The following SORCS3 variants were observed in gnomAD, a reference collection of about 807,000 sequenced individuals.
The protein encoded by SORCS3 is sortilin related VPS10 domain containing receptor 3.
Under a neutral mutation model 146.3 loss-of-function variants are expected in SORCS3, and 57 were observed. The observed-to-expected ratio is 0.39, with a 90% CI of 0.31 to 0.49. The LOEUF (loss-of-function observed/expected upper bound fraction) is 0.49, where lower values mean the gene tolerates loss of function less well. SORCS3 is among the 20% of genes least tolerant of loss of function. SORCS3 has a pLI of 0.92. For missense variants in SORCS3, 1,341 were observed against 1,575.5 expected (o/e 0.85, Z 2.52); for synonymous variants, 653 against 618.5 (o/e 1.06, Z -0.83).
chr10:105,245,781 T>C (rs2056862610), intron 21 of SORCS3, 116 bp downstream of exon 21: 6 of 1,306,860 alleles, frequency 4.6e-6, no homozygotes, highest in Admixed American at 2.5e-5. Context: ...GAAAATTACA[T>C]AGGTCAACAG....
In SORCS3 at chr10:105,255,716, G is replaced by A. The variant is rs1325750276; in HGVS notation, c.3252G>A (p.Leu1084=). Residue 1084 remains leucine, a synonymous_variant, in exon 24 of 27, where the codon CTG becomes CTA. Coordinates refer to ENST00000369701, the MANE Select transcript of SORCS3 (RefSeq NM_014978.3). ...TATTTTTTCAGATTGTAGAAACACTGTTTAATGCTCTCAACCAAAATTTGG... is the reference window on the plus strand; with the variant it reads ...TATTTTTTCAGATTGTAGAAACACTATTTAATGCTCTCAACCAAAATTTGG... ...EGDLEQIVET[L]FNALNQNLVQ... 1.9e-6 allele frequency: 3 copies of A among 1,613,534 alleles called. No homozygotes were observed. The highest frequency in any genetic ancestry group is 4.5e-5 in the East Asian group (2 of 44,866).
rs868659389 is a variant in SORCS3 at position 105,180,172 on chromosome 10, G to A, written c.2009+1999G>A. Among the ~76,000 whole-genome samples, 8 of 152,238 alleles carry A rather than the reference G, an allele frequency of 5.3e-5. No homozygotes were observed. The Middle Eastern group carries it at 0.02, about 388-fold the overall frequency. On this transcript the variant is annotated intron_variant, in intron 14 of 26. Coordinates refer to ENST00000369701, the MANE Select transcript of SORCS3 (RefSeq NM_014978.3). ...AGACTTAAGTGGTGAGAGTAAGTGGGGATAAAGTAATCATCATGGTACCCT... is the reference window on the plus strand; with the variant it reads ...AGACTTAAGTGGTGAGAGTAAGTGGAGATAAAGTAATCATCATGGTACCCT...
intron 7 of SORCS3, among the ~76,000 whole-genome samples, chr10:105,111,540 T>C (rs2055858980): frequency 6.6e-6 from 1 of 152,198 alleles, no homozygotes; most frequent in African/African-American, 2.4e-5. Flanking sequence ...ACAGGACAAC[T>C]TAGCCTAATT....
At chr10:105,227,663 T>C (rs921114257) in intron 20 of SORCS3, among the ~76,000 whole-genome samples, 2 of 152,150 alleles carry the variant, frequency 1.3e-5, no homozygotes, top group Non-Finnish European at 2.9e-5. Flanking sequence ...ACTATAATTG[T>C]GTTGGATTCC....
chr10:104,906,994 C>T (rs1049090809), intron 2 of SORCS3, among the ~76,000 whole-genome samples: 5 of 152,038 alleles, frequency 3.3e-5, no homozygotes, highest in South Asian at 2.1e-4. Flanking sequence ...CGCTTATAAA[C>T]TTAATGGAAA....
At chr10:104,821,955 C>A (rs2017877549) in intron 1 of SORCS3, 1 of 375,810 alleles carries the variant, frequency 2.7e-6, no homozygotes, top group African/African-American at 2.1e-5. Context: ...AATAAAATAA[C>A]CTTGAATGAA....
chr10:104,785,585 AT>A (rs915628530), intron 1 of SORCS3, among the ~76,000 whole-genome samples: 2 of 55,736 alleles, frequency 3.6e-5, no homozygotes, highest in Admixed American at 1.7e-4. Flanking sequence ...CAATAAAAAA[AT>A]AAATTAAAAA....
At chr10:104,772,139 TCTC>T (rs1156518838) in intron 1 of SORCS3, among the ~76,000 whole-genome samples, 1 of 152,040 alleles carries the variant, frequency 6.6e-6, no homozygotes, top group Non-Finnish European at 1.5e-5. Flanking sequence ...CTGCCTGTCA[TCTC>T]CACCTCCTTT....
intron 5 of SORCS3, among the ~76,000 whole-genome samples, chr10:105,061,080 G>C (rs776587450): frequency 6.6e-6 from 1 of 152,112 alleles, no homozygotes; most frequent in Non-Finnish European, 1.5e-5. Flanking sequence ...AAATTCACAA[G>C]TTATGGTGGC....
At chr10:104,985,224 T>C (rs1195788169) in intron 4 of SORCS3, among the ~76,000 whole-genome samples, 1 of 152,186 alleles carries the variant, frequency 6.6e-6, no homozygotes, top group East Asian at 1.9e-4. Context: ...TATTTAAAAT[T>C]CTTTCTTGTC....
chr10:104,689,026 G>A (rs1340748137), intron 1 of SORCS3, among the ~76,000 whole-genome samples: 1 of 152,180 alleles, frequency 6.6e-6, no homozygotes, highest in Non-Finnish European at 1.5e-5. Flanking sequence ...TTAACACCCT[G>A]CTGCTCCACC....
At chr10:105,036,693 GGTTTCTTT>G (rs904157681) in intron 4 of SORCS3, among the ~76,000 whole-genome samples, 1 of 152,190 alleles carries the variant, frequency 6.6e-6, no homozygotes, top group Middle Eastern at 3.2e-3. Flanking sequence ...GTGAGACTCT[GGTTTCTTT>G]CCTGTCTATT....
chr10:104,893,281 G>C (rs2018766823), intron 2 of SORCS3, among the ~76,000 whole-genome samples: 2 of 152,324 alleles, frequency 1.3e-5, no homozygotes, highest in Admixed American at 1.3e-4. Context: ...GTAACGTAAT[G>C]CAAGGCTGAT....
intron 3 of SORCS3, among the ~76,000 whole-genome samples, chr10:104,959,058 C>A (rs1225028828): frequency 6.6e-6 from 1 of 152,102 alleles, no homozygotes; most frequent in Admixed American, 6.5e-5. Context: ...TCCCCTAGAG[C>A]CTCCAGAAAG....
intron 5 of SORCS3, among the ~76,000 whole-genome samples, chr10:105,051,406 G>A (rs1035048471): frequency 6.6e-6 from 1 of 152,024 alleles, no homozygotes; most frequent in Non-Finnish European, 1.5e-5. Flanking sequence ...CCCTGAATTT[G>A]AGCTCTATAG....
chr10:105,211,428 A>G (rs558449523), intron 17 of SORCS3, among the ~76,000 whole-genome samples, 178 bp downstream of exon 17: 1 of 152,342 alleles, frequency 6.6e-6, no homozygotes, highest in African/African-American at 2.4e-5. Context: ...GGGGAGCATC[A>G]GAAGAGATTT....
Position 105,252,760 on chromosome 10 carries a change from T to G in SORCS3, c.3106-15T>G. On this transcript the variant is annotated splice_polypyrimidine_tract_variant and intron_variant, in intron 22 of 26. Coordinates refer to ENST00000369701, the MANE Select transcript of SORCS3 (RefSeq NM_014978.3). Reference sequence around the variant, plus strand: ...GGCTCCTCCACAGCCTCTCTTTGTCTGAACATCTTTGCAGGTAACCAGTGT... The same window carrying G: ...GGCTCCTCCACAGCCTCTCTTTGTCGGAACATCTTTGCAGGTAACCAGTGT... 1 of 1,613,828 alleles carries G rather than the reference T, an allele frequency of 6.2e-7. No individual in the cohort carries two copies. The highest frequency in any genetic ancestry group is 1.1e-5 in the South Asian group (1 of 91,018).
chr10:104,991,104 T>A (rs558344462), intron 4 of SORCS3, among the ~76,000 whole-genome samples: 2 of 152,258 alleles, frequency 1.3e-5, no homozygotes, highest in Admixed American at 1.3e-4. Context: ...AGACGGTGCA[T>A]CCAGGACATA....
chr10:104,670,720 A>G (rs572447976), intron 1 of SORCS3, among the ~76,000 whole-genome samples: 2 of 152,304 alleles, frequency 1.3e-5, no homozygotes, highest in Admixed American at 6.5e-5. Context: ...TGCAAAAAAC[A>G]TCATTGGGAT....
Sources: allele counts gnomAD v4.1 joint callset (sites outside exome capture counted in the v4.1 genomes callset), GRCh38; gene constraint gnomAD v4.1.1; transcripts MANE v1.5; gene names NCBI Gene and HGNC (gene_info 2026-07-23, HGNC 2026-07-21).